Variants in CXXC5 observed in about 807,000 individuals in gnomAD.
CXXC5 encodes the protein CXXC-type zinc finger protein 5.
In CXXC5, 2 loss-of-function variants were observed where a neutral mutation model predicts 17.6. That is an observed-to-expected ratio of 0.11 (90% CI 0.05 to 0.36). The LOEUF is 0.36. Ranked by LOEUF, CXXC5 falls within the 10% of genes least tolerant of loss-of-function variation. CXXC5 has a pLI of 1.00. For synonymous variants in CXXC5, 171 were observed against 193.0 expected (o/e 0.89, Z 0.94); for missense variants, 343 against 458.3 (o/e 0.75, Z 2.30).
At position 139,661,413 on chromosome 5, in the gene CXXC5, AC is replaced by A. The variant is rs1755803555; in HGVS notation, c.-161+12569del. 1.3e-5 allele frequency among the ~76,000 whole-genome samples: 2 copies of A among 152,178 alleles called. No individual in the cohort carries two copies. The highest frequency in any genetic ancestry group is 2.9e-5 in the Non-Finnish European group (2 of 68,020). On this transcript the variant is annotated intron_variant, in intron 1 of 2. Coordinates refer to ENST00000302517, the MANE Select transcript of CXXC5 (RefSeq NM_016463.9). This position sits in a 1 kb window ranked among gnomAD's most constrained non-coding sequence, Gnocchi z 4.7. ...CACACGTAGTTCCACACGACTCAGC[AC>A]ACCCAGCCGACACGCGTGGTACAGA...
rs1014254444 is a variant in CXXC5, at chr5:139,661,442, C to T, written c.-161+12597C>T. On this transcript the variant is annotated intron_variant, in intron 1 of 2. Coordinates refer to ENST00000302517, the MANE Select transcript of CXXC5 (RefSeq NM_016463.9). The surrounding 1 kb of genome is among the most constrained non-coding windows in gnomAD (Gnocchi z 4.7). ...CCAGCCGACACGCGTGGTACAGACT[C>T]GGTCACATGCACCATGCACACACAG... is the stretch of plus-strand genomic sequence containing the variant. Among the ~76,000 whole-genome samples the T allele has an allele frequency of 1.4e-4, 21 of 152,204 alleles. No individual in the cohort carries two copies. The highest frequency in any genetic ancestry group is 7.2e-4 in the Admixed American group (11 of 15,290).
chr5:139,657,528 G>A (rs929384491), intron 1 of CXXC5, among the ~76,000 whole-genome samples: 2 of 152,220 alleles, frequency 1.3e-5, no homozygotes, highest in African/African-American at 2.4e-5. Flanking sequence ...GGACACTGGG[G>A]TAGGGGGTTG....
intron 1 of CXXC5, among the ~76,000 whole-genome samples, chr5:139,669,674 G>A (rs917708798): frequency 1.3e-5 from 2 of 152,096 alleles, no homozygotes; most frequent in Non-Finnish European, 2.9e-5. Flanking sequence ...AGGCACACAA[G>A]TACAATTTTT....
Position 139,670,911 on chromosome 5 carries a change from G to A in CXXC5, c.-160-9453G>A, listed in dbSNP as rs1484676352. 1.3e-5 allele frequency among the ~76,000 whole-genome samples: 2 copies of A among 152,174 alleles called. No individual in the cohort carries two copies. Among genetic ancestry groups the A allele is most frequent in the Non-Finnish European group, 2.9e-5 (2 of 68,028 alleles). On this transcript the variant is annotated intron_variant, in intron 1 of 2. Transcript: ENST00000302517. This position sits in a 1 kb window ranked among gnomAD's most constrained non-coding sequence, Gnocchi z 4.2. ...CACAGTTGTGCAGCACACCTCCCAG[G>A]TAGACACGCGAAAACACACTGTATG...
chr5:139,657,108 T>A (rs781169807), intron 1 of CXXC5, among the ~76,000 whole-genome samples: 2 of 152,240 alleles, frequency 1.3e-5, no homozygotes, highest in South Asian at 2.1e-4. Flanking sequence ...AGGCACCATG[T>A]TAACAGCTTT....
At chr5:139,656,736 T>C (rs1755515780) in intron 1 of CXXC5, among the ~76,000 whole-genome samples, 1 of 152,164 alleles carries the variant, frequency 6.6e-6, no homozygotes, top group Non-Finnish European at 1.5e-5. Flanking sequence ...TTTGTTTTTG[T>C]TTTTTTGAGA....
At position 139,680,345 on chromosome 5, in the gene CXXC5, C is replaced by G; in HGVS notation, c.-160-19C>G. On this transcript the variant is annotated intron_variant, in intron 1 of 2. Transcript: ENST00000302517. The stretch of plus-strand genomic sequence containing the variant: ...GGAGGTGTTCACTGCTGCCCTGACC[C>G]TGTATCCTCTTGTGACAGAGTGAAG... 3 of 868,694 alleles carry G rather than the reference C, an allele frequency of 3.5e-6. No individual in the cohort carries two copies. Among genetic ancestry groups the G allele is most frequent in the Non-Finnish European group, 5.1e-6 (3 of 582,986 alleles). 53.8% of individuals were successfully genotyped at this position (868,694 alleles called of 1,614,324 possible).
chr5:139,669,522 C>G (rs1756330818), intron 1 of CXXC5, among the ~76,000 whole-genome samples: 1 of 152,064 alleles, frequency 6.6e-6, no homozygotes, highest in Admixed American at 6.5e-5. Context: ...TACCCCTAGA[C>G]CCAGCATGGC....
In CXXC5 at chr5:139,680,440, G is replaced by C; in HGVS notation, c.-84G>C. 1 of 1,473,684 alleles carries C rather than the reference G, an allele frequency of 6.8e-7. No homozygotes were observed. 91.3% of individuals were successfully genotyped at this position (1,473,684 alleles called of 1,614,324 possible). A position where few individuals can be genotyped will look rare whatever the true frequency, so the allele number is the denominator to read the frequency against. On this transcript the variant is annotated 5_prime_UTR_variant, in exon 2 of 3. Coordinates refer to ENST00000302517, the MANE Select transcript of CXXC5 (RefSeq NM_016463.9). ...GAGGCCCACCAGGCATCTCTGTTGTGGGCAGCAGGGCCAGGTCCTGGTCTG... is the reference window on the plus strand; with the variant it reads ...GAGGCCCACCAGGCATCTCTGTTGTCGGCAGCAGGGCCAGGTCCTGGTCTG...
chr5:139,677,344 C>T (rs184653437), intron 1 of CXXC5, among the ~76,000 whole-genome samples: 164 of 152,128 alleles, frequency 1.1e-3, no homozygotes, highest in Non-Finnish European at 1.9e-3. Flanking sequence ...GGCTGTGTGC[C>T]CTAGAGTAGA....
At chr5:139,650,313 G>T (rs1331649186) in intron 1 of CXXC5, among the ~76,000 whole-genome samples, 1 of 152,200 alleles carries the variant, frequency 6.6e-6, no homozygotes, top group Non-Finnish European at 1.5e-5. Context: ...GGAGCTAAGG[G>T]GGTGACCAGC....
chr5:139,676,061 G>A (rs1052630397), intron 1 of CXXC5, among the ~76,000 whole-genome samples: 3 of 151,734 alleles, frequency 2.0e-5, no homozygotes, highest in African/African-American at 7.3e-5. Context: ...AGGAGGCATT[G>A]GGCCCTGCAG....
rs563374056 is a variant in CXXC5 at position 139,674,391 on chromosome 5, G to A, written c.-160-5973G>A. ...GCCAAGGAGACCGGCCCACCAAGGTGGGGGGGAGGAGACAAGGGCCGGGAT... is the reference window on the plus strand; with the variant it reads ...GCCAAGGAGACCGGCCCACCAAGGTAGGGGGGAGGAGACAAGGGCCGGGAT... On this transcript the variant is annotated intron_variant, in intron 1 of 2. Transcript: ENST00000302517. Among the ~76,000 whole-genome samples the A allele has an allele frequency of 7.9e-5, 12 of 152,190 alleles. No individual in the cohort carries two copies. The South Asian group carries it at 1.7e-3, about 21-fold the overall frequency.
At chr5:139,666,292 A>C (rs1241468860) in intron 1 of CXXC5, among the ~76,000 whole-genome samples, 2 of 152,148 alleles carry the variant, frequency 1.3e-5, no homozygotes, top group East Asian at 3.9e-4. Context: ...GAAGCCACAG[A>C]ATATGGCCAG....
chr5:139,667,408 T>C (rs1478649002), intron 1 of CXXC5, among the ~76,000 whole-genome samples: 1 of 152,224 alleles, frequency 6.6e-6, no homozygotes, highest in African/African-American at 2.4e-5. Flanking sequence ...TGGTATCTCC[T>C]GTCTATCCTA....
At position 139,683,209 on chromosome 5, in the gene CXXC5, TTTC is replaced by T. The variant is rs1252609213; in HGVS notation, c.*303_*305del. On this transcript the variant is annotated 3_prime_UTR_variant, in exon 3 of 3. Coordinates refer to ENST00000302517, the MANE Select transcript of CXXC5 (RefSeq NM_016463.9). ...TCCTGGGCAAAGAATGGACAATCAG[TTTC>T]CTTCCTGTGTCGATGTCGATGTTGT... The T allele has an allele frequency of 3.5e-6, 1 of 283,062 alleles. No individual in the cohort carries two copies. Among genetic ancestry groups the T allele is most frequent in the Admixed American group, 5.2e-5 (1 of 19,068 alleles). 17.5% of individuals were successfully genotyped at this position (283,062 alleles called of 1,614,324 possible). A position where few individuals can be genotyped will look rare whatever the true frequency, so the allele number is the denominator to read the frequency against.
In CXXC5 at chr5:139,681,464, G is replaced by A. The variant is rs1473065597; in HGVS notation, c.924+17G>A. 2 of 1,543,594 alleles carry A rather than the reference G, an allele frequency of 1.3e-6. No individual in the cohort carries two copies. Among genetic ancestry groups the A allele is most frequent in the Non-Finnish European group, 1.8e-6 (2 of 1,142,634 alleles). On this transcript the variant is annotated intron_variant, in intron 2 of 2. Transcript: ENST00000302517. ...GCTCTGGAGGTAACGGCGCCTTAGA[G>A]GGAGGTGTGTGGGCTCTTGTGTCTG... is the stretch of plus-strand genomic sequence containing the variant.
In CXXC5 at chr5:139,663,836, C is replaced by T. The variant is rs191727701; in HGVS notation, c.-161+14991C>T. On this transcript the variant is annotated intron_variant, in intron 1 of 2. Transcript: ENST00000302517. The surrounding 1 kb of genome is among the most constrained non-coding windows in gnomAD (Gnocchi z 4.2). ...CCTTCACATAGGTCCTCTCCAGGACCTGACGAGGTGGGGGCTGTCAGCGGC... is the reference window on the plus strand; with the variant it reads ...CCTTCACATAGGTCCTCTCCAGGACTTGACGAGGTGGGGGCTGTCAGCGGC... Among the ~76,000 whole-genome samples, 1 of 152,336 alleles carries T rather than the reference C, an allele frequency of 6.6e-6. No individual in the cohort carries two copies. Among genetic ancestry groups the T allele is most frequent in the East Asian group, 1.9e-4 (1 of 5,188 alleles).
At chr5:139,682,833 C>G in intron 2 of CXXC5, 30 bp from the exon 3 acceptor site, 1 of 1,582,812 alleles carries the variant, frequency 6.3e-7, no homozygotes, top group Non-Finnish European at 8.6e-7. Context: ...ACTGAACTCT[C>G]TCCTTGTTTT....
Sources: allele counts gnomAD v4.1 joint callset (sites outside exome capture counted in the v4.1 genomes callset), GRCh38; gene constraint gnomAD v4.1.1; non-coding constraint Gnocchi (gnomAD v3.1); transcripts MANE v1.5; gene names NCBI Gene and HGNC (gene_info 2026-07-23, HGNC 2026-07-21).